CCDC85A: variants seen among roughly 807,000 people sequenced by gnomAD.
The protein encoded by CCDC85A is coiled-coil domain-containing protein 85A.
CCDC85A carries 38 observed loss-of-function variants against 50.2 expected under a neutral mutation model. The ratio of observed to expected loss-of-function variants is 0.76; its 90% CI spans 0.58 to 0.99. CCDC85A has a LOEUF of 0.99. Ranked by LOEUF, CCDC85A falls within the 50% of genes least tolerant of loss-of-function variation. CCDC85A has a pLI of 0.00. For synonymous variants in CCDC85A, 366 were observed against 301.4 expected, an observed-to-expected ratio of 1.21 and a Z score of -2.22; for missense variants, 820 against 742.0, an observed-to-expected ratio of 1.11 and a Z score of -1.22.
chr2:56,196,525 T>C (rs1042947204), intron 2 of CCDC85A, among the ~76,000 whole-genome samples: 1 of 152,254 alleles, frequency 6.6e-6, no homozygotes, highest in Non-Finnish European at 1.5e-5. Flanking sequence ...AATGGAATTT[T>C]CTTAGGCAAA....
intron 2 of CCDC85A, among the ~76,000 whole-genome samples, chr2:56,314,180 A>C (rs1558636500): frequency 6.6e-6 from 1 of 150,726 alleles, no homozygotes; most frequent in African/African-American, 2.4e-5. Flanking sequence ...GCAGAGCCTC[A>C]GGATTGTCAG....
intron 2 of CCDC85A, among the ~76,000 whole-genome samples, chr2:56,226,793 T>G (rs1190070780): frequency 6.6e-6 from 1 of 152,016 alleles, no homozygotes; most frequent in East Asian, 1.9e-4. Context: ...CTTTAAAATA[T>G]CTCTTACATT....
intron 2 of CCDC85A, among the ~76,000 whole-genome samples, chr2:56,323,659 A>C (rs1673327045): frequency 6.6e-6 from 1 of 152,082 alleles, no homozygotes; most frequent in South Asian, 2.1e-4. Flanking sequence ...TGGTTATCAC[A>C]AAGCAAGTAG....
chr2:56,217,295 C>A (rs1271440006), intron 2 of CCDC85A, among the ~76,000 whole-genome samples: 2 of 151,824 alleles, frequency 1.3e-5, no homozygotes. Flanking sequence ...TGGGCCTCCC[C>A]CTGGAGGCCT....
intron 2 of CCDC85A, 107 bp from the exon 3 acceptor site, chr2:56,342,772 G>T: frequency 1.0e-5 from 6 of 598,992 alleles, no homozygotes; most frequent in Admixed American, 3.2e-5. Context: ...TTAAATAACA[G>T]ACTAAATAGT....
chr2:56,214,352 A>G (rs1301042925), intron 2 of CCDC85A, among the ~76,000 whole-genome samples: 1 of 151,950 alleles, frequency 6.6e-6, no homozygotes, highest in Non-Finnish European at 1.5e-5. Flanking sequence ...TGTGCACAGT[A>G]AGTGCTGCAT....
At chr2:56,345,661 G>T (rs1477787035) in intron 3 of CCDC85A, among the ~76,000 whole-genome samples, 1 of 152,156 alleles carries the variant, frequency 6.6e-6, no homozygotes, top group Admixed American at 6.5e-5. Flanking sequence ...ACAATAAATG[G>T]ATGTCAGAAC....
intron 3 of CCDC85A, among the ~76,000 whole-genome samples, chr2:56,345,764 A>G (rs59175071): frequency 0.019 from 2,948 of 152,332 alleles, 90 homozygotes; most frequent in African/African-American, 0.066. Context: ...CTTAGATGTT[A>G]CTGATACTAT....
intron 2 of CCDC85A, among the ~76,000 whole-genome samples, chr2:56,311,295 A>G (rs1440010860): frequency 6.6e-6 from 1 of 152,030 alleles, no homozygotes; most frequent in Non-Finnish European, 1.5e-5. Flanking sequence ...ACATTGCATA[A>G]TTCATGACAT....
intron 2 of CCDC85A, among the ~76,000 whole-genome samples, chr2:56,196,668 C>T (rs1573008758): frequency 6.6e-6 from 1 of 152,240 alleles, no homozygotes; most frequent in East Asian, 1.9e-4. Context: ...CTAGCAATAG[C>T]TGTATTTGTT....
chr2:56,304,146 A>T (rs1672327550), intron 2 of CCDC85A, among the ~76,000 whole-genome samples: 1 of 152,138 alleles, frequency 6.6e-6, no homozygotes, highest in African/African-American at 2.4e-5. Flanking sequence ...TCTTATTAGG[A>T]AATATGGCAT....
intron 2 of CCDC85A, among the ~76,000 whole-genome samples, chr2:56,310,825 C>G (rs376767848): frequency 6.6e-6 from 1 of 152,124 alleles, no homozygotes. Context: ...AGGATTAGTT[C>G]CATCTATTTT....
chr2:56,377,813 G>A (rs947374619), intron 5 of CCDC85A, among the ~76,000 whole-genome samples: 12 of 151,816 alleles, frequency 7.9e-5, no homozygotes, highest in African/African-American at 2.7e-4. Flanking sequence ...GCTTGAATCC[G>A]GGAGGCAGAG....
intron 2 of CCDC85A, among the ~76,000 whole-genome samples, chr2:56,211,348 C>T (rs1340879536): frequency 6.6e-6 from 1 of 151,950 alleles, no homozygotes; most frequent in East Asian, 1.9e-4. Flanking sequence ...AATATATTCT[C>T]CTATTCATAT....
Position 56,342,444 on chromosome 2 carries a change from C to G in CCDC85A, c.1241-435C>G, listed in dbSNP as rs937033000. 2.2e-4 allele frequency among the ~76,000 whole-genome samples: 34 copies of G among 152,240 alleles called. 1 individual carries two copies. The highest frequency in any genetic ancestry group is 3.4e-3 in the Middle Eastern group (1 of 294). On this transcript the variant is annotated intron_variant, in intron 2 of 5. Transcript: ENST00000407595. ...TCGGTATTAGATTCAGGTTTGAGTT[C>G]TGGTTTTGCCCTGTTCTAAGTGTGC... is the stretch of plus-strand genomic sequence containing the variant.
At chr2:56,383,887 A>C (rs879285331) in intron 5 of CCDC85A, 31 of 411,136 alleles carry the variant, frequency 7.5e-5, no homozygotes, top group Non-Finnish European at 9.5e-5. Flanking sequence ...CTTTTTTTAA[A>C]AATGCAGTTG....
chr2:56,311,400 G>C (rs1672684409), intron 2 of CCDC85A, among the ~76,000 whole-genome samples: 1 of 151,606 alleles, frequency 6.6e-6, no homozygotes, highest in Non-Finnish European at 1.5e-5. Context: ...AGCTATTCTG[G>C]TGAGAGTTGT....
intron 5 of CCDC85A, among the ~76,000 whole-genome samples, chr2:56,379,044 G>A (rs17268799): frequency 0.032 from 4,895 of 152,240 alleles, 100 homozygotes; most frequent in East Asian, 0.067. Context: ...TATTTTCAAC[G>A]TGTTTAGGGC....
rs904344918 is a variant in CCDC85A, at chr2:56,384,443, C to A, written c.*88C>A. The A allele has an allele frequency of 6.5e-5, 73 of 1,124,170 alleles. No individual in the cohort carries two copies. Among genetic ancestry groups the A allele is most frequent in the Non-Finnish European group, 8.0e-5 (60 of 749,052 alleles). 69.6% of individuals were successfully genotyped at this position (1,124,170 alleles called of 1,614,324 possible). On this transcript the variant is annotated 3_prime_UTR_variant, in exon 6 of 6. Transcript: ENST00000407595. ...AAGGAAAGAGTGGGTTTCCACAAAC[C>A]TGGACTCATGGAATAACATGGAGTG...
Sources: gnomAD v4.1 joint callset for allele counts (sites outside exome capture counted in the v4.1 genomes callset) on GRCh38, gnomAD v4.1.1 for gene constraint, MANE v1.5 for transcripts, NCBI Gene and HGNC (gene_info 2026-07-23, HGNC 2026-07-21) for gene names.